The following HMGCS2 variants were observed in gnomAD, a reference collection of about 807,000 sequenced individuals.
HMGCS2 encodes 3-hydroxy-3-methylglutaryl-CoA synthase 2.
Under a neutral mutation model 57.4 loss-of-function variants are expected in HMGCS2, and 50 were observed. That is an observed-to-expected ratio of 0.87 (90% CI 0.69 to 1.10). The LOEUF is 1.10. HMGCS2 is among the 50% of genes least tolerant of loss of function. HMGCS2 has a pLI of 0.00. For missense variants in HMGCS2, 627 were observed against 636.5 expected (o/e 0.99, Z 0.16); for synonymous variants, 254 against 245.1 (o/e 1.04, Z -0.34).
intron 1 of HMGCS2, among the ~76,000 whole-genome samples, chr1:119,768,533 G>C (rs1032372513): frequency 6.6e-6 from 1 of 152,176 alleles, no homozygotes; most frequent in Non-Finnish European, 1.5e-5. Flanking sequence ...GCATGTGTCA[G>C]AGGTTTGGGC....
chr1:119,750,961 G>T, intron 8 of HMGCS2, 53 bp from the exon 9 acceptor site: 2 of 1,127,612 alleles, frequency 1.8e-6, no homozygotes, highest in South Asian at 1.3e-5. Flanking sequence ...TGAGTTTTTG[G>T]AAGAGAAAAT....
chr1:119,760,598 A>G (rs1482750449), intron 2 of HMGCS2, among the ~76,000 whole-genome samples: 1 of 152,200 alleles, frequency 6.6e-6, no homozygotes, highest in Non-Finnish European at 1.5e-5. Context: ...AAAATAGTTT[A>G]TATTGAGTAA....
chr1:119,751,635 T>C (rs375708407), intron 8 of HMGCS2, among the ~76,000 whole-genome samples: 1 of 152,172 alleles, frequency 6.6e-6, no homozygotes, highest in African/African-American at 2.4e-5. Context: ...CTCAAACTCC[T>C]GGCCTCAAGT....
At chr1:119,763,319 G>C (rs1013570473) in intron 2 of HMGCS2, among the ~76,000 whole-genome samples, 27 of 152,190 alleles carry the variant, frequency 1.8e-4, no homozygotes, top group African/African-American at 6.0e-4. Context: ...TGGTTTCTAA[G>C]GTTTTTAATC....
At chr1:119,761,062 A>G (rs1363463037) in intron 2 of HMGCS2, among the ~76,000 whole-genome samples, 1 of 150,566 alleles carries the variant, frequency 6.6e-6, no homozygotes, top group African/African-American at 2.4e-5. Context: ...TTCTTCCCCA[A>G]TGCTATGTGC....
At chr1:119,755,620 C>G in intron 5 of HMGCS2, 23 bp from the exon 6 acceptor site, 1 of 1,613,500 alleles carries the variant, frequency 6.2e-7, no homozygotes, top group Non-Finnish European at 8.5e-7. Context: ...CAGAGGTAGC[C>G]ATGTGAGAGG....
At chr1:119,754,120 G>A (rs587710809) in intron 6 of HMGCS2, among the ~76,000 whole-genome samples, 5 of 150,588 alleles carry the variant, frequency 3.3e-5, no homozygotes, top group South Asian at 2.1e-4. Flanking sequence ...GCAGTAGCTC[G>A]ATCTCAGCTC....
At chr1:119,749,461 C>G (rs937380648) in intron 9 of HMGCS2, among the ~76,000 whole-genome samples, 1 of 149,930 alleles carries the variant, frequency 6.7e-6, no homozygotes, top group Non-Finnish European at 1.5e-5. Context: ...TTAACAGCCC[C>G]TCTTTGCTAC....
In HMGCS2 at chr1:119,755,489, G is replaced by A. The variant is rs776046708; in HGVS notation, c.1125C>T (p.Ser375=). The A allele has an allele frequency of 2.1e-5, 34 of 1,614,142 alleles. No individual in the cohort carries two copies. The highest frequency in any genetic ancestry group is 2.8e-5 in the Non-Finnish European group (33 of 1,179,994). ...DKKTKASLYL[S]THNGNMYTSS... is the part of the protein sequence containing the mutation. ...AGGTGTACATGTTCCCATTGTGAGTGGAGAGGTAAAGGGAAGCCTTGGTTT... is the reference window on the plus strand; with the variant it reads ...AGGTGTACATGTTCCCATTGTGAGTAGAGAGGTAAAGGGAAGCCTTGGTTT... Residue 375 remains serine, a synonymous_variant, in exon 6 of 10, where the codon TCC becomes TCT. Transcript: ENST00000369406.
At chr1:119,767,658 A>G (rs1394763287) in intron 1 of HMGCS2, among the ~76,000 whole-genome samples, 1 of 152,212 alleles carries the variant, frequency 6.6e-6, no homozygotes, top group Non-Finnish European at 1.5e-5. Context: ...AATGGGATTA[A>G]CTGTGAATAT....
chr1:119,755,697 T>A, intron 5 of HMGCS2, 100 bp from the exon 6 acceptor site: 1 of 1,040,214 alleles, frequency 9.6e-7, no homozygotes, highest in Non-Finnish European at 1.5e-6. Flanking sequence ...TTGGGGCGCA[T>A]GTTTTTCCTA....
chr1:119,754,314 C>A (rs898884525), intron 6 of HMGCS2, among the ~76,000 whole-genome samples: 1 of 152,140 alleles, frequency 6.6e-6, no homozygotes, highest in African/African-American at 2.4e-5. Flanking sequence ...ACCTTGGCCT[C>A]CCAAAGTGTT....
intron 2 of HMGCS2, among the ~76,000 whole-genome samples, chr1:119,763,661 T>C (rs1424549186): frequency 1.3e-5 from 2 of 152,146 alleles, no homozygotes; most frequent in Non-Finnish European, 2.9e-5. Flanking sequence ...CAAAAAGCAA[T>C]ATGCAAGGAG....
rs760149713 is a variant in HMGCS2, at chr1:119,753,368, C to T, written c.1206G>A (p.Leu402=). The change falls in exon 7 of 10, where the codon CTG becomes CTA. Residue 402 remains leucine, a synonymous_variant. Transcript: ENST00000369406. ...AGAAGGCACCAATCCTGGAGCCAGC[C>T]AGTTCTTGGGCAGAGTGGCTGTGGG... The part of the protein sequence containing the change: ...SLLSHHSAQE[L]AGSRIGAFSY... The T allele has an allele frequency of 2.0e-5, 33 of 1,611,406 alleles. No individual in the cohort carries two copies. Among genetic ancestry groups the T allele is most frequent in the Non-Finnish European group, 2.2e-5 (26 of 1,178,290 alleles).
intron 1 of HMGCS2, among the ~76,000 whole-genome samples, chr1:119,764,937 C>A (rs2843020): frequency 0.86 from 131,317 of 152,150 alleles, 58,695 homozygotes; most frequent in Non-Finnish European, 0.97. Context: ...AACTTCTTAA[C>A]GTCTTTATCT....
In HMGCS2 at chr1:119,764,415, A is replaced by G; in HGVS notation, c.316T>C (p.Cys106Arg). 6.2e-7 allele frequency: 1 copy of G among 1,614,254 alleles called. No homozygotes were observed. The highest frequency in any genetic ancestry group is 8.5e-7 in the Non-Finnish European group (1 of 1,180,038). ...ATCAGCCGTTGCACCACCGTCAGGC[A>G]CAGGGAGTTGATGTCCTCTTGGACT... ...CSVQEDINSL[C>R]LTVVQRLMER... The change falls in exon 2 of 10, where the codon TGC becomes CGC. Residue 106 changes from cysteine to arginine, a missense_variant. Physicochemically the swap from Cys to Arg is radical, Grantham distance 180. Transcript: ENST00000369406.
chr1:119,754,263 G>A (rs968162275), intron 6 of HMGCS2, among the ~76,000 whole-genome samples: 1 of 151,992 alleles, frequency 6.6e-6, no homozygotes, highest in Non-Finnish European at 1.5e-5. Context: ...TGCCATGTTG[G>A]CCAGGCTGTT....
At chr1:119,757,217 G>A (rs1571035490) in intron 5 of HMGCS2, 56 bp downstream of exon 5, 1 of 1,612,932 alleles carries the variant, frequency 6.2e-7, no homozygotes, top group African/African-American at 1.3e-5. Context: ...GCATGAAGAA[G>A]CCTCCTTCTT....
intron 4 of HMGCS2, among the ~76,000 whole-genome samples, chr1:119,758,374 C>T (rs192655367): frequency 2.4e-4 from 37 of 152,250 alleles, no homozygotes; most frequent in Non-Finnish European, 5.0e-4. Context: ...GCTGGGACTA[C>T]AGGCTTATGC....
Sources: gnomAD v4.1 joint callset for allele counts (sites outside exome capture counted in the v4.1 genomes callset) on GRCh38, gnomAD v4.1.1 for gene constraint, MANE v1.5 for transcripts, NCBI Gene and HGNC (gene_info 2026-07-23, HGNC 2026-07-21) for gene names.